The following ZNF75A variants were observed in gnomAD, a reference collection of about 807,000 sequenced individuals.
ZNF75A encodes zinc finger protein 75A.
ZNF75A carries 36 observed loss-of-function variants against 46.3 expected under a neutral mutation model. The ratio of observed to expected loss-of-function variants is 0.78; its 90% CI spans 0.60 to 1.03. ZNF75A has a LOEUF of 1.03. ZNF75A is among the 50% of genes least tolerant of loss of function. ZNF75A has a pLI of 0.00. For missense variants in ZNF75A, 595 were observed against 551.3 expected (o/e 1.08, Z -0.79); for synonymous variants, 234 against 189.9 (o/e 1.23, Z -1.91).
rs571626994 is a variant in ZNF75A at position 3,305,528 on chromosome 16, T to A, written c.-232T>A. On this transcript the variant is annotated 5_prime_UTR_variant, in exon 1 of 7. Coordinates refer to ENST00000669516, the MANE Select transcript of ZNF75A (RefSeq NM_001302109.2). ...GCTCTGTACCTGGACAGGGCTGCGG[T>A]AGGCCAGCGGTGGGCTGGCGGTTGC... 1.3e-5 allele frequency: 2 copies of A among 152,394 alleles called. No homozygotes were observed. The highest frequency in any genetic ancestry group is 1.3e-4 in the Admixed American group (2 of 15,312). 9.4% of individuals were successfully genotyped at this position (152,394 alleles called of 1,614,324 possible).
downstream of ZNF75A, chr16:3,318,866 G>A (rs59313935): frequency 0.011 from 11,225 of 981,666 alleles, 988 homozygotes; most frequent in African/African-American, 0.18. Context: ...AGTGTTGGGC[G>A]AGGATGAGCA....
Position 3,311,849 on chromosome 16 carries a change from G to A in ZNF75A, c.505G>A (p.Gly169Ser), listed in dbSNP as rs1052206592. ...GLKPTESQPV[G>S]VSQDEEFWNT... ...GAAGCCAACAGAGTCCCAACCAGTG[G>A]GCGTATCCCAAGATGAAGAATTTTG... Residue 169 changes from glycine to serine, a missense_variant, in exon 3 of 7, where the codon GGC (glycine) becomes AGC (serine). Transcript: ENST00000669516. The A allele has an allele frequency of 6.7e-6, 7 of 1,040,808 alleles. No individual in the cohort carries two copies. Among genetic ancestry groups the A allele is most frequent in the Admixed American group, 4.2e-5 (1 of 23,968 alleles). The allele number at this position is 1,040,808 out of a possible 1,614,324, so 64.5% of individuals were successfully genotyped here.
chr16:3,316,885 C>T, intron 5 of ZNF75A, 27 bp from the exon 6 acceptor site: 1 of 1,539,932 alleles, frequency 6.5e-7, no homozygotes, highest in South Asian at 1.1e-5. Flanking sequence ...GTTACCAGTC[C>T]TTGACCTCAT....
intron 1 of ZNF75A, chr16:3,306,997 G>T: frequency 6.6e-6 from 1 of 151,164 alleles, no homozygotes; most frequent in Non-Finnish European, 1.5e-5. Flanking sequence ...TGCTGCCCTG[G>T]CTGGAGTGCC....
At chr16:3,310,140 G>T (rs8054928) in intron 2 of ZNF75A, among the ~76,000 whole-genome samples, 26 of 151,808 alleles carry the variant, frequency 1.7e-4, no homozygotes, top group African/African-American at 6.0e-4. Context: ...TCACATCTGT[G>T]ATCTCAGCAC....
At chr16:3,317,101 C>CTT (rs968750057) in intron 6 of ZNF75A, 79 bp downstream of exon 6, 7 of 1,330,720 alleles carry the variant, frequency 5.3e-6, no homozygotes, top group South Asian at 2.9e-5. Context: ...GATTTTGTTC[C>CTT]TTTTTTTTTT....
downstream of ZNF75A, chr16:3,322,816 A>G (rs1181014450): frequency 7.1e-6 from 5 of 708,754 alleles, no homozygotes; most frequent in African/African-American, 9.6e-5. Flanking sequence ...AGGAATCTCC[A>G]GATTCAATTA....
Position 3,316,986 on chromosome 16 carries a change from C to G in ZNF75A, c.898C>G (p.Pro300Ala). 6.2e-7 allele frequency: 1 copy of G among 1,613,968 alleles called. No homozygotes were observed. Among genetic ancestry groups the G allele is most frequent in the Non-Finnish European group, 8.5e-7 (1 of 1,179,972 alleles). ...QGEEPWVQVS[P>A]EFKDSAGKSP... is the part of the protein sequence containing the mutation. The stretch of plus-strand genomic sequence containing the variant: ...GGAAGAGCCATGGGTTCAAGTATCC[C>G]CGGAGTTTAAGGATAGTGCCGGAAA... Residue 300 changes from proline to alanine, a missense_variant, in exon 6 of 7, where the codon CCG (proline) becomes GCG (alanine). Physicochemically the swap from Pro to Ala is conservative, Grantham distance 27. Transcript: ENST00000669516.
chr16:3,309,457 A>AAAAAAAAAAC (rs1960551695), intron 2 of ZNF75A: 1 of 149,576 alleles, frequency 6.7e-6, no homozygotes, highest in Non-Finnish European at 1.5e-5. Context: ...CTCACAAAAA[A>AAAAAAAAAAC]AAAAAAAACA....
intron 1 of ZNF75A, chr16:3,306,021 T>G (rs1347792367): frequency 1.3e-5 from 2 of 152,238 alleles, no homozygotes; most frequent in Non-Finnish European, 2.9e-5. Context: ...CGGTTGAGCC[T>G]CAGGGCTAGC....
In ZNF75A at chr16:3,308,397, C is replaced by G. The variant is rs141747037; in HGVS notation, c.-32C>G. Reference sequence around the variant, plus strand: ...GTTAAACGTGGTACCAATTGGGTGTCTTAACACAGGAGCAGAACTTCCTAG... The same window carrying G: ...GTTAAACGTGGTACCAATTGGGTGTGTTAACACAGGAGCAGAACTTCCTAG... On this transcript the variant is annotated 5_prime_UTR_variant, in exon 2 of 7. Transcript: ENST00000669516. 3.1e-3 allele frequency: 3,072 copies of G among 985,696 alleles called. 6 individuals are homozygous for G. Among genetic ancestry groups the G allele is most frequent in the Non-Finnish European group, 3.4e-3 (2,861 of 829,810 alleles). 61.1% of individuals were successfully genotyped at this position (985,696 alleles called of 1,614,324 possible).
rs534650041 is a variant in ZNF75A, at chr16:3,308,784, C to G, written c.356C>G (p.Ala119Gly). 207 of 986,462 alleles carry G rather than the reference C, an allele frequency of 2.1e-4. No homozygotes were observed. The highest frequency in any genetic ancestry group is 2.4e-4 in the Non-Finnish European group (198 of 830,138). 61.1% of individuals were successfully genotyped at this position (986,462 alleles called of 1,614,324 possible). Residue 119 changes from alanine (A) to glycine (G), a missense_variant, in exon 2 of 7, where the codon GCT becomes GGT. Coordinates refer to ENST00000669516, the MANE Select transcript of ZNF75A (RefSeq NM_001302109.2). ...CACCATCCACAGAGCATTGAGGAGG[C>G]TGTGGCTCTGGTAGAACACTTGCAG... Reference protein sequence around the residue: ...QKHHPQSIEEAVALVEHLQRE... With the variant: ...QKHHPQSIEEGVALVEHLQRE...
At chr16:3,310,888 C>T in intron 2 of ZNF75A, 12 of 985,368 alleles carry the variant, frequency 1.2e-5, no homozygotes, top group South Asian at 9.4e-5. Context: ...CTGCTGACCT[C>T]GGGTCTGCTG....
intron 5 of ZNF75A, chr16:3,315,078 C>G (rs1961102251): frequency 2.0e-6 from 2 of 985,110 alleles, no homozygotes; most frequent in African/African-American, 3.5e-5. Context: ...ACGTGGAGAT[C>G]TTGATCCCTT....
intron 2 of ZNF75A, among the ~76,000 whole-genome samples, chr16:3,310,156 G>T (rs550701103): frequency 2.0e-4 from 30 of 152,168 alleles, no homozygotes; most frequent in African/African-American, 7.0e-4. Context: ...AGCACTTTGG[G>T]AGGCTGAGGC....
chr16:3,309,398 C>G (rs537298906), intron 2 of ZNF75A: 2 of 146,146 alleles, frequency 1.4e-5, no homozygotes, highest in Non-Finnish European at 3.0e-5. Context: ...TGCAGTGAGC[C>G]GAGATCGCAC....
At chr16:3,314,557 A>G (rs907085619) in intron 5 of ZNF75A, among the ~76,000 whole-genome samples, 3 of 152,046 alleles carry the variant, frequency 2.0e-5, no homozygotes, top group Non-Finnish European at 4.4e-5. Flanking sequence ...GGAACTGGGT[A>G]CCTCCTAGGC....
chr16:3,310,430 G>T (rs1354018509), intron 2 of ZNF75A, among the ~76,000 whole-genome samples: 1 of 151,862 alleles, frequency 6.6e-6, no homozygotes, highest in African/African-American at 2.4e-5. Flanking sequence ...GAAAAATCCA[G>T]CCTGGGCAAC....
At chr16:3,306,501 C>G (rs1960258361) in intron 1 of ZNF75A, 1 of 152,086 alleles carries the variant, frequency 6.6e-6, no homozygotes, top group Admixed American at 6.6e-5. Context: ...ATCACGAGGT[C>G]AGGAGATCGA....
Sources: allele counts gnomAD v4.1 joint callset (sites outside exome capture counted in the v4.1 genomes callset), GRCh38; gene constraint gnomAD v4.1.1; transcripts MANE v1.5; gene names NCBI Gene and HGNC (gene_info 2026-07-23, HGNC 2026-07-21).